Variants in MOGAT1 observed in about 807,000 individuals in gnomAD.
MOGAT1 encodes monoacylglycerol O-acyltransferase 1.
In MOGAT1, 32 loss-of-function variants were observed where a neutral mutation model predicts 31.4. The observed-to-expected ratio is 1.02, with a 90% CI of 0.77 to 1.37. The LOEUF is 1.37. MOGAT1 is among the 40% of genes most tolerant of loss of function. The pLI is 0.00. For missense variants in MOGAT1, 426 were observed against 402.0 expected, an observed-to-expected ratio of 1.06 and a Z score of -0.51; for synonymous variants, 145 against 144.5, an observed-to-expected ratio of 1.00 and a Z score of -0.03.
chr2:222,703,734 A>G (rs910810393), intron 5 of MOGAT1, among the ~76,000 whole-genome samples: 5 of 152,104 alleles, frequency 3.3e-5, no homozygotes, highest in Non-Finnish European at 1.5e-5. Context: ...TCTCTAATAT[A>G]CAGCTATGTA....
chr2:222,701,006 C>A (rs1372448629), intron 5 of MOGAT1, among the ~76,000 whole-genome samples: 1 of 152,192 alleles, frequency 6.6e-6, no homozygotes, highest in Non-Finnish European at 1.5e-5. Flanking sequence ...AGATAAACAT[C>A]AACTCACTCA....
rs1693033485 is a variant in MOGAT1 at position 222,708,115 on chromosome 2, G to A, written c.854-1621G>A. On this transcript the variant is annotated intron_variant, in intron 5 of 5. Coordinates refer to ENST00000446656, the MANE Select transcript of MOGAT1 (RefSeq NM_058165.3). ...CTTGTTTGTTTTGAGACGGAGTCTT[G>A]CTCTGTCCCCCAGGCTAAAGTGCAG... 5.9e-5 allele frequency among the ~76,000 whole-genome samples: 9 copies of A among 152,028 alleles called. No homozygotes were observed. In the South Asian group the frequency reaches 1.9e-3, roughly 32 times the overall value.
intron 3 of MOGAT1, among the ~76,000 whole-genome samples, chr2:222,691,881 C>G (rs1479092963): frequency 1.3e-5 from 2 of 152,212 alleles, no homozygotes; most frequent in African/African-American, 4.8e-5. Context: ...CAACCCATTC[C>G]TCTTGTCCCA....
intron 5 of MOGAT1, among the ~76,000 whole-genome samples, chr2:222,696,768 G>A (rs1381710580): frequency 6.6e-6 from 1 of 152,162 alleles, no homozygotes; most frequent in Middle Eastern, 3.2e-3. Flanking sequence ...GGCCAAGTGT[G>A]GTGGCACACA....
intron 5 of MOGAT1, among the ~76,000 whole-genome samples, chr2:222,696,070 C>T (rs1388004328): frequency 6.6e-6 from 1 of 152,186 alleles, no homozygotes; most frequent in Non-Finnish European, 1.5e-5. Context: ...CCAATTCCAT[C>T]CAGGTTGCTG....
intron 1 of MOGAT1, among the ~76,000 whole-genome samples, chr2:222,686,309 G>A (rs1017441886): frequency 1.3e-5 from 2 of 152,088 alleles, no homozygotes; most frequent in African/African-American, 4.8e-5. Context: ...TGTAAAATGG[G>A]GCAATAACGT....
chr2:222,698,111 G>GT (rs34645416), intron 5 of MOGAT1, among the ~76,000 whole-genome samples: 69,512 of 151,972 alleles, frequency 0.46, 16,922 homozygotes, highest in African/African-American at 0.62. Context: ...AGCAGATGGG[G>GT]TTTTAGTGAG....
At chr2:222,696,449 A>C (rs760244325) in intron 5 of MOGAT1, among the ~76,000 whole-genome samples, 2 of 152,186 alleles carry the variant, frequency 1.3e-5, no homozygotes, top group Non-Finnish European at 2.9e-5. Flanking sequence ...ATTTTTGATT[A>C]TGGCCATTTT....
chr2:222,708,460 G>A (rs16864038), intron 5 of MOGAT1, among the ~76,000 whole-genome samples: 4,068 of 152,292 alleles, frequency 0.027, 97 homozygotes, highest in Middle Eastern at 0.065. Flanking sequence ...AAGAGCCAAA[G>A]CCATGGGAAT....
At position 222,709,860 on chromosome 2, in the gene MOGAT1, T is replaced by C; in HGVS notation, c.978T>C (p.Ile326=). The change falls in exon 6 of 6, where the codon ATT becomes ATC. Residue 326 remains isoleucine (I), a synonymous_variant. Coordinates refer to ENST00000446656, the MANE Select transcript of MOGAT1 (RefSeq NM_058165.3). The part of the protein sequence containing the change: ...LFEEHKGKYG[I]PEHETLVLK ...AGGAACACAAAGGAAAGTATGGCAT[T>C]CCAGAGCACGAGACTCTTGTTTTAA... 6.2e-7 allele frequency: 1 copy of C among 1,611,962 alleles called. No homozygotes were observed. Among genetic ancestry groups the C allele is most frequent in the Non-Finnish European group, 8.5e-7 (1 of 1,178,822 alleles).
chr2:222,709,259 C>T (rs889507735), intron 5 of MOGAT1, among the ~76,000 whole-genome samples: 4 of 152,138 alleles, frequency 2.6e-5, no homozygotes, highest in Non-Finnish European at 5.9e-5. Flanking sequence ...AGGCGGAGTT[C>T]GCAGTGAGCT....
intron 5 of MOGAT1, among the ~76,000 whole-genome samples, chr2:222,698,252 T>C (rs1692865829): frequency 6.6e-6 from 1 of 152,256 alleles, no homozygotes; most frequent in Admixed American, 6.5e-5. Context: ...GTTACTTCCA[T>C]GTATTTCCTT....
At chr2:222,686,497 C>A (rs6710844) in intron 1 of MOGAT1, among the ~76,000 whole-genome samples, 35,126 of 152,024 alleles carry the variant, frequency 0.23, 4,251 homozygotes, top group East Asian at 0.34. Context: ...CACATCTTAC[C>A]AAAATAAACA....
At chr2:222,687,773 T>A (rs1692695420) in intron 1 of MOGAT1, among the ~76,000 whole-genome samples, 1 of 152,202 alleles carries the variant, frequency 6.6e-6, no homozygotes, top group Non-Finnish European at 1.5e-5. Context: ...GAATGTGCCC[T>A]CTTTGTGGGC....
At chr2:222,682,416 T>G (rs1692595196) in intron 1 of MOGAT1, among the ~76,000 whole-genome samples, 1 of 152,232 alleles carries the variant, frequency 6.6e-6, no homozygotes, top group South Asian at 2.1e-4. Context: ...TTAAAGCTTT[T>G]ACAAGGTTGA....
intron 5 of MOGAT1, among the ~76,000 whole-genome samples, chr2:222,703,864 C>T (rs1162885379): frequency 6.6e-6 from 1 of 151,470 alleles, no homozygotes. Flanking sequence ...TACTGGTTGC[C>T]TCCACGAGAA....
At chr2:222,675,487 T>C (rs191723750) in intron 1 of MOGAT1, among the ~76,000 whole-genome samples, 3,116 of 150,220 alleles carry the variant, frequency 0.021, 128 homozygotes, top group African/African-American at 0.071. Flanking sequence ...TTTTCTTTTT[T>C]TTTTTTTTTT....
At chr2:222,677,635 G>C (rs996445585) in intron 1 of MOGAT1, 1 of 321,060 alleles carries the variant, frequency 3.1e-6, no homozygotes, top group African/African-American at 2.2e-5. Context: ...GAAGATGAGG[G>C]CTTTTCCTGG....
At chr2:222,694,289 T>C (rs1336803517) in intron 3 of MOGAT1, 73 bp from the exon 4 acceptor site, 2 of 1,337,048 alleles carry the variant, frequency 1.5e-6, no homozygotes, top group Non-Finnish European at 2.0e-6. Flanking sequence ...ACTATTGTCA[T>C]GGAATATTAT....
Sources: gnomAD v4.1 joint callset for allele counts (sites outside exome capture counted in the v4.1 genomes callset) on GRCh38, gnomAD v4.1.1 for gene constraint, MANE v1.5 for transcripts, NCBI Gene and HGNC (gene_info 2026-07-23, HGNC 2026-07-21) for gene names.